The following TMEM123 variants were observed in gnomAD, a reference collection of about 807,000 sequenced individuals.
The protein encoded by TMEM123 is transmembrane protein 123.
TMEM123 carries 16 observed loss-of-function variants against 19.7 expected under a neutral mutation model. That is an observed-to-expected ratio of 0.81 (90% CI 0.55 to 1.23). TMEM123 has a LOEUF of 1.23. TMEM123 is among the 50% of genes most tolerant of loss of function. The probability of loss-of-function intolerance (pLI) is 0.00; values close to 1 mark genes in which losing one functional copy is unlikely to be tolerated. For synonymous variants in TMEM123, 118 were observed against 99.4 expected, an observed-to-expected ratio of 1.19 and a Z score of -1.12; for missense variants, 313 against 257.8, an observed-to-expected ratio of 1.21 and a Z score of -1.47.
At chr11:102,432,918 T>C (rs1179172624) in intron 2 of TMEM123, among the ~76,000 whole-genome samples, 1 of 147,592 alleles carries the variant, frequency 6.8e-6, no homozygotes, top group African/African-American at 2.4e-5. Flanking sequence ...GGTTTCCATG[T>C]AGTGTTGAGC....
At chr11:102,426,629 A>G (rs1339188633) in intron 2 of TMEM123, among the ~76,000 whole-genome samples, 1 of 152,076 alleles carries the variant, frequency 6.6e-6, no homozygotes, top group African/African-American at 2.4e-5. Context: ...TCTAAGAGCA[A>G]TTTCTTTACA....
At chr11:102,427,185 A>G (rs1952136036) in intron 2 of TMEM123, among the ~76,000 whole-genome samples, 1 of 151,870 alleles carries the variant, frequency 6.6e-6, no homozygotes, top group African/African-American at 2.4e-5. Flanking sequence ...GTTCAAACAC[A>G]GTTGGCTTTT....
intron 2 of TMEM123, among the ~76,000 whole-genome samples, chr11:102,443,657 C>T (rs1175977459): frequency 6.6e-6 from 1 of 152,150 alleles, no homozygotes; most frequent in Admixed American, 6.5e-5. Context: ...ATGACTAAAA[C>T]ACCAAAAGCA....
chr11:102,435,665 G>A (rs985168508), intron 2 of TMEM123, among the ~76,000 whole-genome samples: 1 of 151,800 alleles, frequency 6.6e-6, no homozygotes, highest in Non-Finnish European at 1.5e-5. Flanking sequence ...ATCAAAAGGT[G>A]GAACCAACTC....
chr11:102,423,251 G>C (rs1475078058), intron 2 of TMEM123, among the ~76,000 whole-genome samples: 1 of 152,112 alleles, frequency 6.6e-6, no homozygotes, highest in East Asian at 1.9e-4. Flanking sequence ...TCTTTGATAA[G>C]CCCCCCTTCA....
intron 2 of TMEM123, among the ~76,000 whole-genome samples, chr11:102,428,335 T>G (rs1952146884): frequency 6.6e-6 from 1 of 152,190 alleles, no homozygotes; most frequent in Non-Finnish European, 1.5e-5. Flanking sequence ...GGAGTCTCAC[T>G]CTGTCACCCA....
chr11:102,404,476 G>A (rs1424247111), intron 2 of TMEM123, among the ~76,000 whole-genome samples: 8 of 151,932 alleles, frequency 5.3e-5, no homozygotes, highest in East Asian at 1.9e-4. Context: ...TAGAGACAGC[G>A]CTTCACCATG....
At chr11:102,443,546 C>T (rs531477816) in intron 2 of TMEM123, among the ~76,000 whole-genome samples, 32 of 152,250 alleles carry the variant, frequency 2.1e-4, no homozygotes, top group African/African-American at 7.0e-4. Context: ...AAATTTCATT[C>T]GAGATGGATT....
At position 102,401,522 on chromosome 11, in the gene TMEM123, G is replaced by GGCCA. The variant is rs1363432775; in HGVS notation, c.602+13_602+16dup. On this transcript the variant is annotated intron_variant, in intron 4 of 4. Coordinates refer to ENST00000398136, the MANE Select transcript of TMEM123 (RefSeq NM_052932.3). ...CCAACAATTTTTTTTAAAAAGTCCTGGCCATTCAAAACTTACATGGTTCGA... is the reference window on the plus strand; with the variant it reads ...CCAACAATTTTTTTTAAAAAGTCCTGGCCAGCCATTCAAAACTTACATGGTTCGA... The GGCCA allele has an allele frequency of 1.2e-5, 18 of 1,547,418 alleles. No homozygotes were observed. The highest frequency in any genetic ancestry group is 1.5e-5 in the Non-Finnish European group (17 of 1,156,186).
intron 2 of TMEM123, 63 bp downstream of exon 2, chr11:102,448,749 C>A: frequency 6.6e-7 from 1 of 1,515,648 alleles, no homozygotes; most frequent in Non-Finnish European, 9.1e-7. Context: ...ACTTCCCTGG[C>A]TGTTATTACT....
At chr11:102,416,701 A>G (rs1250438018) in intron 2 of TMEM123, among the ~76,000 whole-genome samples, 1 of 152,144 alleles carries the variant, frequency 6.6e-6, no homozygotes, top group Non-Finnish European at 1.5e-5. Context: ...ACAAAAAAAG[A>G]AAACTTCAGG....
At chr11:102,412,126 A>G (rs1172088290) in intron 2 of TMEM123, among the ~76,000 whole-genome samples, 1 of 152,170 alleles carries the variant, frequency 6.6e-6, no homozygotes, top group African/African-American at 2.4e-5. Context: ...ATCATATTAA[A>G]GGTATATTAA....
chr11:102,448,237 T>C (rs12281071), intron 2 of TMEM123: 6,595 of 456,118 alleles, frequency 0.014, 390 homozygotes, highest in African/African-American at 0.12. Flanking sequence ...GAAACGTACC[T>C]TGATGATTTA....
chr11:102,402,910 TCAAA>T (rs1216327928), intron 2 of TMEM123, among the ~76,000 whole-genome samples: 1 of 152,214 alleles, frequency 6.6e-6, no homozygotes, highest in Admixed American at 6.5e-5. Flanking sequence ...AATACACAAC[TCAAA>T]CAATACCTTT....
chr11:102,406,739 C>T (rs144646889), intron 2 of TMEM123, among the ~76,000 whole-genome samples: 1,844 of 151,886 alleles, frequency 0.012, 37 homozygotes, highest in African/African-American at 0.042. Flanking sequence ...GGCATGGTGG[C>T]GGGCGCCTGT....
At chr11:102,440,905 T>A (rs1429055574) in intron 2 of TMEM123, among the ~76,000 whole-genome samples, 5 of 152,100 alleles carry the variant, frequency 3.3e-5, no homozygotes, top group Non-Finnish European at 7.4e-5. Flanking sequence ...TAGTCTCTGA[T>A]AAAACAGACT....
chr11:102,440,121 C>T (rs1345849960), intron 2 of TMEM123, among the ~76,000 whole-genome samples: 1 of 152,200 alleles, frequency 6.6e-6, no homozygotes, highest in Non-Finnish European at 1.5e-5. Context: ...TTGGAAAACA[C>T]TCTTCAGGAT....
chr11:102,400,020 G>GA (rs879706159), intron 4 of TMEM123, among the ~76,000 whole-genome samples: 2,980 of 152,046 alleles, frequency 0.02, no homozygotes, highest in Non-Finnish European at 0.033. Context: ...TTAAGTATTA[G>GA]TAATATAACT....
intron 2 of TMEM123, among the ~76,000 whole-genome samples, chr11:102,439,389 ATT>A (rs1281497636): frequency 4.0e-5 from 6 of 151,698 alleles, no homozygotes; most frequent in Admixed American, 1.3e-4. Flanking sequence ...GTTCTGCAAT[ATT>A]TTCTGTTCTG....
Sources: allele counts gnomAD v4.1 joint callset (sites outside exome capture counted in the v4.1 genomes callset), GRCh38; gene constraint gnomAD v4.1.1; transcripts MANE v1.5; gene names NCBI Gene and HGNC (gene_info 2026-07-23, HGNC 2026-07-21).